MFSD11: variants seen among roughly 807,000 people sequenced by gnomAD.
MFSD11 encodes the protein UNC93-like protein MFSD11.
A neutral mutation model predicts 53.5 loss-of-function variants in MFSD11; 36 were observed. That is an observed-to-expected ratio of 0.67 (90% CI 0.52 to 0.89). MFSD11 has a LOEUF of 0.89. MFSD11 is among the 40% of genes least tolerant of loss of function. The pLI is 0.00. For missense variants in MFSD11, 530 were observed against 543.9 expected, an observed-to-expected ratio of 0.97 and a Z score of 0.25; for synonymous variants, 186 against 184.9, an observed-to-expected ratio of 1.01 and a Z score of -0.05.
downstream of MFSD11, among the ~76,000 whole-genome samples, chr17:76,783,714 A>C (rs189346094): frequency 3.3e-3 from 498 of 152,160 alleles, 1 homozygote; most frequent in Non-Finnish European, 5.8e-3. Context: ...GCCTGCCACC[A>C]CGCCCAGCCT....
In MFSD11 at chr17:76,772,085, G is replaced by A. The variant is rs2081410787; in HGVS notation, c.874+2214G>A. On this transcript the variant is annotated intron_variant, in intron 10 of 12. Transcript: ENST00000685175. The stretch of plus-strand genomic sequence containing the variant: ...CTGGGAAGAAACTCACTTTCTGTAG[G>A]CAACCTGCTTTTTTGAAAAAAATAA... 2.0e-5 allele frequency among the ~76,000 whole-genome samples: 3 copies of A among 152,070 alleles called. No individual in the cohort carries two copies. In the South Asian group the frequency reaches 6.2e-4, roughly 32 times the overall value.
chr17:76,792,480 G>C, the MFSD11 span, among the ~76,000 whole-genome samples: 1 of 148,888 alleles, frequency 6.7e-6, no homozygotes, highest in South Asian at 2.1e-4. Flanking sequence ...TTTAAAGCAT[G>C]TTACAAGTAA....
chr17:76,797,568 T>A, the MFSD11 span, among the ~76,000 whole-genome samples: 1 of 152,184 alleles, frequency 6.6e-6, no homozygotes, highest in Non-Finnish European at 1.5e-5. Flanking sequence ...AGCATCCTGT[T>A]GTATTTATTA....
Position 76,779,246 on chromosome 17 carries a change from C to A in MFSD11, c.*894C>A. 1 of 121,094 alleles carries A rather than the reference C, an allele frequency of 8.3e-6. No individual in the cohort carries two copies. The highest frequency in any genetic ancestry group is 9.0e-5 in the Admixed American group (1 of 11,132). The allele number at this position is 121,094 out of a possible 1,614,324, so 7.5% of individuals were successfully genotyped here. A position where few individuals can be genotyped will look rare whatever the true frequency, so the allele number is the denominator to read the frequency against. On this transcript the variant is annotated 3_prime_UTR_variant, in exon 13 of 13. Transcript: ENST00000685175. ...TCCAGCCTGGATGACAAGAGTGAAA[C>A]TCCATCTCAAAAAAAAAAAAAAAAA...
Position 76,741,934 on chromosome 17 carries a change from G to A in MFSD11, c.261-35G>A, listed in dbSNP as rs9897610. ...TAATTGGCATTCTATTTCAGGTATC[G>A]TTTGACTGTAATACCTTGACCTGTT... On this transcript the variant is annotated intron_variant, in intron 3 of 12. Transcript: ENST00000685175. The A allele has an allele frequency of 0.012, 18,584 of 1,613,424 alleles. 1,299 individuals carry two copies. The African/African-American group carries it at 0.18, about 16-fold the overall frequency.
chr17:76,774,837 T>G (rs935307246), intron 10 of MFSD11, among the ~76,000 whole-genome samples, 160 bp from the exon 11 acceptor site: 3 of 152,220 alleles, frequency 2.0e-5, no homozygotes, highest in Non-Finnish European at 4.4e-5. Flanking sequence ...AGTTGATGCT[T>G]GGTCATCATT....
At chr17:76,738,813 C>T (rs1568035787) in intron 1 of MFSD11, 125 bp from the exon 2 acceptor site, 2 of 723,724 alleles carry the variant, frequency 2.8e-6, no homozygotes, top group Non-Finnish European at 4.8e-6. Context: ...TCATAATGGA[C>T]TTCAGTATTA....
chr17:76,771,468 T>C (rs762275381), intron 10 of MFSD11, among the ~76,000 whole-genome samples: 4 of 152,248 alleles, frequency 2.6e-5, no homozygotes, highest in Non-Finnish European at 4.4e-5. Flanking sequence ...TAATCTGTCA[T>C]GTCAACAAAA....
chr17:76,737,444 C>A, upstream of MFSD11: 1 of 402,554 alleles, frequency 2.5e-6, no homozygotes, highest in Non-Finnish European at 4.5e-6. Flanking sequence ...TCGTAACGAC[C>A]CTGCCGCGCG....
chr17:76,738,185 A>G lies in MFSD11; in HGVS notation c.-168A>G, dbSNP rs905022409. 5 of 611,678 alleles carry G rather than the reference A, an allele frequency of 8.2e-6. No homozygotes were observed. In the African/African-American group the frequency reaches 9.3e-5, roughly 11 times the overall value. The allele number at this position is 611,678 out of a possible 1,614,324, so 37.9% of individuals were successfully genotyped here. ...CTGCCGGTGGGGAGAACTTCGCCCT[A>G]AACCTGGGGTTCCGATCCAGGAACT... On this transcript the variant is annotated 5_prime_UTR_variant, in exon 1 of 13. Coordinates refer to ENST00000685175, the MANE Select transcript of MFSD11 (RefSeq NM_001242532.5).
At chr17:76,736,861 G>A (rs770165979), upstream of MFSD11, 10 of 1,609,614 alleles carry the variant, frequency 6.2e-6, no homozygotes, top group Non-Finnish European at 8.5e-6. Flanking sequence ...CCCGGCGGCT[G>A]TGGTGTGAGT....
intron 10 of MFSD11, among the ~76,000 whole-genome samples, chr17:76,770,320 G>A (rs1258138951): frequency 6.6e-6 from 1 of 151,998 alleles, no homozygotes; most frequent in Non-Finnish European, 1.5e-5. Context: ...TTACAGGTGT[G>A]AGCCACCATG....
At chr17:76,762,800 CCGGCGGGAAA>C (rs759813333) in intron 8 of MFSD11, among the ~76,000 whole-genome samples, 25 of 152,106 alleles carry the variant, frequency 1.6e-4, no homozygotes, top group Non-Finnish European at 3.1e-4. Context: ...CAATTAAGCA[CCGGCGGGAAA>C]TCAAAGGTTA....
upstream of MFSD11, chr17:76,737,390 C>T: frequency 1.9e-6 from 1 of 512,950 alleles, no homozygotes; most frequent in Non-Finnish European, 3.3e-6. Context: ...GGCGCCCGCG[C>T]CACCCGGAAA....
chr17:76,770,627 C>G (rs1598742311), intron 10 of MFSD11, among the ~76,000 whole-genome samples: 1 of 152,176 alleles, frequency 6.6e-6, no homozygotes, highest in Non-Finnish European at 1.5e-5. Context: ...TCAGGCACAC[C>G]TCTCTGACTT....
Position 76,760,089 on chromosome 17 carries a change from G to A in MFSD11, c.682+6002G>A, listed in dbSNP as rs551716101. ...TCGAGACCAGCCTGGCCAGCATGGC[G>A]AAACTCCGTCTCTACTAAAAATACA... is the stretch of plus-strand genomic sequence containing the variant. On this transcript the variant is annotated intron_variant, in intron 8 of 12. Coordinates refer to ENST00000685175, the MANE Select transcript of MFSD11 (RefSeq NM_001242532.5). Among the ~76,000 whole-genome samples the A allele has an allele frequency of 8.8e-3, 1,324 of 150,828 alleles. 21 individuals are homozygous for A. Among genetic ancestry groups the A allele is most frequent in the African/African-American group, 0.03 (1,226 of 41,102 alleles).
rs1392432011 is a variant in MFSD11 at position 76,778,630 on chromosome 17, G to C, written c.*278G>C. The C allele has an allele frequency of 2.9e-6, 1 of 347,262 alleles. No individual in the cohort carries two copies. The highest frequency in any genetic ancestry group is 5.2e-6 in the Non-Finnish European group (1 of 191,016). 21.5% of individuals were successfully genotyped at this position (347,262 alleles called of 1,614,324 possible). On this transcript the variant is annotated 3_prime_UTR_variant, in exon 13 of 13. Coordinates refer to ENST00000685175, the MANE Select transcript of MFSD11 (RefSeq NM_001242532.5). ...TCTCAATTCTTATAATCATGTTATA[G>C]AATGTAAATGTTTTCTTCTCTCTCC...
chr17:76,796,545 G>GTTCAA, the MFSD11 span, among the ~76,000 whole-genome samples: 1 of 152,092 alleles, frequency 6.6e-6, no homozygotes. Flanking sequence ...CAACAATTCA[G>GTTCAA]TTCAATCCTG....
rs2082030249 is a variant in MFSD11 at position 76,778,350 on chromosome 17, T to C, written c.1348T>C (p.Ter450ArgextTer26). The change falls in exon 13 of 13, where the codon TGA becomes CGA. Residue 450 changes from the stop codon to arginine (R), a stop_lost. Coordinates refer to ENST00000685175, the MANE Select transcript of MFSD11 (RefSeq NM_001242532.5). ...CCGCGGCTCTGACTACCGAAGTATC[T>C]GATCTGGTGTCCGTGAGGGGACACG... ...VARGSDYRSI[*>R] 1 of 1,614,066 alleles carries C rather than the reference T, an allele frequency of 6.2e-7. No homozygotes were observed. The highest frequency in any genetic ancestry group is 1.3e-5 in the African/African-American group (1 of 74,944).
Sources: allele counts gnomAD v4.1 joint callset (sites outside exome capture counted in the v4.1 genomes callset), GRCh38; gene constraint gnomAD v4.1.1; transcripts MANE v1.5; gene names NCBI Gene and HGNC (gene_info 2026-07-23, HGNC 2026-07-21).